The following LHFPL3 variants were observed in gnomAD, a reference collection of about 807,000 sequenced individuals.
LHFPL3 encodes LHFPL tetraspan subfamily member 3, also known as LHFPL tetraspan subfamily member 3 protein.
Under a neutral mutation model 19.3 loss-of-function variants are expected in LHFPL3, and 5 were observed. The observed-to-expected ratio is 0.26, with a 90% CI of 0.14 to 0.54. LHFPL3 has a LOEUF of 0.54. LHFPL3 is among the 20% of genes least tolerant of loss of function. The pLI, the probability that LHFPL3 is intolerant of heterozygous loss-of-function variation, is 0.94. For missense variants in LHFPL3, 249 were observed against 307.4 expected, an observed-to-expected ratio of 0.81 and a Z score of 1.42; for synonymous variants, 133 against 126.2, an observed-to-expected ratio of 1.05 and a Z score of -0.36.
intron 1 of LHFPL3, chr7:104,668,993 C>G (rs570028129): frequency 1.9e-6 from 3 of 1,611,996 alleles, no homozygotes; most frequent in African/African-American, 1.3e-5. Context: ...CGGGAACGGT[C>G]GAGGACAGGA....
intron 1 of LHFPL3, among the ~76,000 whole-genome samples, chr7:104,511,562 A>T (rs973796768): frequency 3.3e-5 from 5 of 152,214 alleles, no homozygotes; most frequent in African/African-American, 9.6e-5. Flanking sequence ...ATTGGAAGCA[A>T]CCCAGATGTC....
At chr7:104,874,405 TTG>T (rs1491358404) in intron 2 of LHFPL3, among the ~76,000 whole-genome samples, 44 of 141,178 alleles carry the variant, frequency 3.1e-4, no homozygotes, top group East Asian at 1.3e-3. Flanking sequence ...TTTTTTTTTT[TTG>T]GGGGGGGGAC....
chr7:104,689,123 G>T (rs970892406), intron 1 of LHFPL3, among the ~76,000 whole-genome samples: 1 of 152,196 alleles, frequency 6.6e-6, no homozygotes, highest in Non-Finnish European at 1.5e-5. Flanking sequence ...GGGAGAACCT[G>T]CATCCTTGAA....
chr7:104,836,494 C>T (rs1209103273), intron 2 of LHFPL3, among the ~76,000 whole-genome samples: 1 of 152,128 alleles, frequency 6.6e-6, no homozygotes, highest in African/African-American at 2.4e-5. Flanking sequence ...TACCAAGATG[C>T]CATCAAACTC....
At chr7:104,688,327 A>G (rs766576428) in intron 1 of LHFPL3, among the ~76,000 whole-genome samples, 3 of 152,170 alleles carry the variant, frequency 2.0e-5, no homozygotes, top group African/African-American at 7.2e-5. Context: ...ACTCCTGTAG[A>G]CAAAGGGCTG....
chr7:104,616,714 G>A (rs1395519692), intron 1 of LHFPL3, among the ~76,000 whole-genome samples: 1 of 152,040 alleles, frequency 6.6e-6, no homozygotes, highest in Non-Finnish European at 1.5e-5. Flanking sequence ...TACAGAATGG[G>A]AGAAAATTTT....
intron 1 of LHFPL3, chr7:104,667,609 G>A (rs1792381328): frequency 1.5e-6 from 1 of 666,986 alleles, no homozygotes; most frequent in Non-Finnish European, 2.5e-6. Context: ...ACTAATATTT[G>A]TTATCCATTT....
At chr7:104,568,113 T>C (rs1790157609) in intron 1 of LHFPL3, among the ~76,000 whole-genome samples, 2 of 152,212 alleles carry the variant, frequency 1.3e-5, no homozygotes, top group African/African-American at 4.8e-5. Context: ...TAAGGAATCC[T>C]GGAGATCAAG....
At chr7:104,734,601 A>T (rs1000418759) in intron 1 of LHFPL3, among the ~76,000 whole-genome samples, 1 of 152,098 alleles carries the variant, frequency 6.6e-6, no homozygotes, top group African/African-American at 2.4e-5. Context: ...TGCATTGGTT[A>T]TTCTAGTTAG....
intron 1 of LHFPL3, among the ~76,000 whole-genome samples, chr7:104,467,243 T>A (rs1295933745): frequency 1.3e-5 from 2 of 152,300 alleles, no homozygotes; most frequent in East Asian, 3.9e-4. Flanking sequence ...CTATCTCACA[T>A]GTTTGGTGCA....
At chr7:104,385,912 TC>T (rs5886311) in intron 1 of LHFPL3, among the ~76,000 whole-genome samples, 51,388 of 150,600 alleles carry the variant, frequency 0.34, 9,044 homozygotes, top group Admixed American at 0.49. Context: ...CAATAATTAC[TC>T]CTCCATAAAA....
intron 1 of LHFPL3, among the ~76,000 whole-genome samples, chr7:104,375,067 G>C (rs1030421592): frequency 2.6e-5 from 4 of 152,098 alleles, no homozygotes; most frequent in Non-Finnish European, 5.9e-5. Context: ...GGCCAGGCAC[G>C]GTGGCTTACC....
At chr7:104,409,254 G>A (rs1278184032) in intron 1 of LHFPL3, among the ~76,000 whole-genome samples, 1 of 151,794 alleles carries the variant, frequency 6.6e-6, no homozygotes, top group Non-Finnish European at 1.5e-5. Context: ...TAGAAAATCA[G>A]ACAAGTGGCC....
chr7:104,473,914 A>G (rs1792957033), intron 1 of LHFPL3, among the ~76,000 whole-genome samples: 1 of 152,248 alleles, frequency 6.6e-6, no homozygotes, highest in African/African-American at 2.4e-5. Flanking sequence ...ATAAATATTT[A>G]TAAAGCTCTA....
At chr7:104,873,885 C>T (rs923882854) in intron 2 of LHFPL3, among the ~76,000 whole-genome samples, 1 of 152,202 alleles carries the variant, frequency 6.6e-6, no homozygotes, top group African/African-American at 2.4e-5. Flanking sequence ...GTCTCGGTTG[C>T]CCTCAGAACG....
intron 1 of LHFPL3, among the ~76,000 whole-genome samples, chr7:104,541,415 T>A (rs1794484989): frequency 6.6e-6 from 1 of 152,188 alleles, no homozygotes; most frequent in Non-Finnish European, 1.5e-5. Context: ...AAGTGACTCC[T>A]GCCATCATTG....
intron 1 of LHFPL3, among the ~76,000 whole-genome samples, chr7:104,454,402 A>T (rs1039554315): frequency 5.9e-5 from 9 of 152,162 alleles, no homozygotes; most frequent in African/African-American, 2.2e-4. Context: ...AGAAATGGGT[A>T]TTATTGTTGT....
chr7:104,643,286 C>T (rs902070088), intron 1 of LHFPL3, among the ~76,000 whole-genome samples: 4 of 152,156 alleles, frequency 2.6e-5, no homozygotes, highest in African/African-American at 9.7e-5. Flanking sequence ...AAATTCTGAG[C>T]CTTCCCAGAG....
intron 1 of LHFPL3, among the ~76,000 whole-genome samples, chr7:104,442,145 AT>A (rs1021814578): frequency 2.2e-4 from 33 of 151,212 alleles, no homozygotes; most frequent in African/African-American, 8.0e-4. Context: ...TTCTCTGATG[AT>A]TAGGGATGCT....
Sources: allele counts gnomAD v4.1 joint callset (sites outside exome capture counted in the v4.1 genomes callset), GRCh38; gene constraint gnomAD v4.1.1; transcripts MANE v1.5; gene names NCBI Gene and HGNC (gene_info 2026-07-23, HGNC 2026-07-21).